The following CTNNA3 variants were observed in gnomAD, a reference collection of about 807,000 sequenced individuals.
CTNNA3 encodes catenin alpha 3.
A neutral mutation model predicts 95.7 loss-of-function variants in CTNNA3; 76 were observed. That is an observed-to-expected ratio of 0.79 (90% CI 0.66 to 0.96). The LOEUF is 0.96. Ranked by LOEUF, CTNNA3 falls within the 40% of genes least tolerant of loss-of-function variation. The probability of loss-of-function intolerance (pLI) is 0.00; values close to 1 mark genes in which losing one functional copy is unlikely to be tolerated. For missense variants in CTNNA3, 1,191 were observed against 1,089.8 expected, an observed-to-expected ratio of 1.09 and a Z score of -1.31; for synonymous variants, 431 against 374.4, an observed-to-expected ratio of 1.15 and a Z score of -1.74.
intron 5 of CTNNA3, among the ~76,000 whole-genome samples, chr10:67,342,099 C>CTTTTTTTTTTTTTTTTTTTTTTTTCTT (rs764381058): frequency 1.2e-5 from 1 of 83,662 alleles, no homozygotes; most frequent in Admixed American, 1.8e-4. Context: ...TATTTTTCTT[C>CTTTTTTTTTTTTTTTTTTTTTTTTCTT]TTTTTTTTTT....
At chr10:66,526,343 A>G (rs752091736) in intron 10 of CTNNA3, among the ~76,000 whole-genome samples, 2 of 151,724 alleles carry the variant, frequency 1.3e-5, no homozygotes, top group Non-Finnish European at 2.9e-5. Flanking sequence ...GCACCACCAC[A>G]CCCAGATAAT....
At chr10:66,412,377 T>C (rs902293274) in intron 11 of CTNNA3, among the ~76,000 whole-genome samples, 1 of 151,350 alleles carries the variant, frequency 6.6e-6, no homozygotes, top group Non-Finnish European at 1.5e-5. Context: ...AGGTATTAAA[T>C]AGGTTGGTGG....
At chr10:67,460,277 A>G (rs1244296480) in intron 5 of CTNNA3, among the ~76,000 whole-genome samples, 2 of 152,128 alleles carry the variant, frequency 1.3e-5, no homozygotes, top group East Asian at 3.9e-4. Flanking sequence ...ACCCAAATGA[A>G]TTGATGTTAT....
intron 5 of CTNNA3, among the ~76,000 whole-genome samples, chr10:67,437,485 T>C (rs1399631329): frequency 6.6e-6 from 1 of 151,726 alleles, no homozygotes; most frequent in Non-Finnish European, 1.5e-5. Flanking sequence ...CCCCAATAAA[T>C]TTAATAAATA....
chr10:67,713,327 C>T (rs952176515), intron 1 of CTNNA3, among the ~76,000 whole-genome samples: 1 of 152,180 alleles, frequency 6.6e-6, no homozygotes, highest in Non-Finnish European at 1.5e-5. Flanking sequence ...TGCTTTAACA[C>T]TGTTGGTGGG....
chr10:66,445,956 A>C (rs988441747), intron 11 of CTNNA3, among the ~76,000 whole-genome samples: 2 of 152,158 alleles, frequency 1.3e-5, no homozygotes, highest in Non-Finnish European at 2.9e-5. Context: ...AAGAGAGAAG[A>C]ATCAAATAGA....
intron 5 of CTNNA3, among the ~76,000 whole-genome samples, chr10:67,344,697 C>T (rs968485798): frequency 2.0e-5 from 3 of 151,952 alleles, no homozygotes; most frequent in African/African-American, 7.2e-5. Flanking sequence ...TGTATGTCCC[C>T]CTTTTTCATA....
intron 5 of CTNNA3, among the ~76,000 whole-genome samples, chr10:67,477,244 C>T (rs1216315679): frequency 3.9e-5 from 6 of 152,064 alleles, no homozygotes; most frequent in Admixed American, 1.3e-4. Context: ...GCACACCTCT[C>T]GGTGGATGCT....
chr10:67,387,130 A>C (rs1000273309), intron 5 of CTNNA3, among the ~76,000 whole-genome samples: 1 of 152,240 alleles, frequency 6.6e-6, no homozygotes, highest in East Asian at 1.9e-4. Flanking sequence ...TGATTTCTGC[A>C]TTTCCAACTG....
At chr10:67,749,492 C>T (rs916385743) in intron 1 of CTNNA3, among the ~76,000 whole-genome samples, 1 of 152,066 alleles carries the variant, frequency 6.6e-6, no homozygotes, top group Non-Finnish European at 1.5e-5. Flanking sequence ...CAAATTAGAA[C>T]CCAAGATTAA....
At chr10:66,869,519 G>A (rs1041585958) in intron 7 of CTNNA3, among the ~76,000 whole-genome samples, 1 of 152,086 alleles carries the variant, frequency 6.6e-6, no homozygotes, top group African/African-American at 2.4e-5. Context: ...GTTGCAGTGA[G>A]CCAAGATCAT....
chr10:66,861,778 A>G lies in CTNNA3; in HGVS notation c.1048-86254T>C, dbSNP rs1843937830. ...TTATTCCTTGATTTAACCCACCACT[A>G]TGACCACCATCACTCACTGATTCAC... On this transcript the variant is annotated intron_variant, in intron 7 of 17. Coordinates refer to ENST00000433211, the MANE Select transcript of CTNNA3 (RefSeq NM_013266.4). Among the ~76,000 whole-genome samples, 3 of 152,344 alleles carry G rather than the reference A, an allele frequency of 2.0e-5. No homozygotes were observed. The East Asian group carries it at 5.8e-4, about 29-fold the overall frequency.
intron 12 of CTNNA3, among the ~76,000 whole-genome samples, chr10:66,375,736 C>CT (rs1273914994): frequency 1.3e-5 from 2 of 152,040 alleles, no homozygotes; most frequent in African/African-American, 4.8e-5. Flanking sequence ...TCTTAAAACT[C>CT]TATCTGTTGC....
intron 12 of CTNNA3, among the ~76,000 whole-genome samples, 192 bp downstream of exon 12, chr10:66,378,960 T>C (rs1404365477): frequency 6.6e-6 from 1 of 152,212 alleles, no homozygotes; most frequent in Non-Finnish European, 1.5e-5. Flanking sequence ...AGAAGACCTC[T>C]TTTTACCAAT....
At chr10:67,158,451 C>T (rs1033461700) in intron 7 of CTNNA3, among the ~76,000 whole-genome samples, 1 of 152,128 alleles carries the variant, frequency 6.6e-6, no homozygotes, top group Non-Finnish European at 1.5e-5. Context: ...ATAAGAAATG[C>T]TATCTATCAA....
chr10:66,983,075 G>T (rs1027338793), intron 7 of CTNNA3, among the ~76,000 whole-genome samples: 12 of 152,174 alleles, frequency 7.9e-5, no homozygotes, highest in Admixed American at 2.6e-4. Context: ...GGGGTTTTTT[G>T]ATTTCATAAA....
intron 10 of CTNNA3, among the ~76,000 whole-genome samples, chr10:66,576,817 G>C (rs1469186358): frequency 6.6e-6 from 1 of 151,632 alleles, no homozygotes; most frequent in Non-Finnish European, 1.5e-5. Flanking sequence ...CTTTTTGGTA[G>C]AATGATTTAT....
At chr10:67,249,579 C>T (rs981967037) in intron 5 of CTNNA3, among the ~76,000 whole-genome samples, 2 of 152,052 alleles carry the variant, frequency 1.3e-5, no homozygotes, top group Admixed American at 6.5e-5. Context: ...TATGTATTAC[C>T]GAGCTTGTAA....
chr10:65,948,073 C>T (rs1002759194), intron 17 of CTNNA3, among the ~76,000 whole-genome samples: 3 of 152,150 alleles, frequency 2.0e-5, no homozygotes, highest in South Asian at 2.1e-4. Context: ...GTCAGGAGAT[C>T]GAGATCATCC....
Sources: gnomAD v4.1 joint callset for allele counts (sites outside exome capture counted in the v4.1 genomes callset) on GRCh38, gnomAD v4.1.1 for gene constraint, MANE v1.5 for transcripts, NCBI Gene and HGNC (gene_info 2026-07-23, HGNC 2026-07-21) for gene names.